Variants in ARPP19 observed in about 807,000 individuals in gnomAD.
The protein encoded by ARPP19 is cAMP-regulated phosphoprotein 19.
In ARPP19, 8 loss-of-function variants were observed where a neutral mutation model predicts 12.0. The observed-to-expected ratio is 0.67, with a 90% confidence interval of 0.39 to 1.21. The LOEUF (loss-of-function observed/expected upper bound fraction) is 1.21, where lower values mean the gene tolerates loss of function less well. Ranked by LOEUF, ARPP19 falls within the 50% of genes most tolerant of loss-of-function variation. ARPP19 has a pLI of 0.01. For missense variants in ARPP19, 102 were observed against 136.3 expected (o/e 0.75, Z 1.25); for synonymous variants, 47 against 50.4 (o/e 0.93, Z 0.29).
At chr15:52,563,802 T>C (rs953727173) in intron 1 of ARPP19, among the ~76,000 whole-genome samples, 10 of 152,220 alleles carry the variant, frequency 6.6e-5, no homozygotes, top group African/African-American at 2.4e-4. Flanking sequence ...AAAGGATTAA[T>C]GAAAGCCAAC....
chr15:52,551,826 G>T lies in ARPP19; in HGVS notation c.*108C>A. 1.2e-6 allele frequency: 1 copy of T among 831,030 alleles called. No individual in the cohort carries two copies. The highest frequency in any genetic ancestry group is 2.0e-6 in the Non-Finnish European group (1 of 508,760). The allele number at this position is 831,030 out of a possible 1,614,324, so 51.5% of individuals were successfully genotyped here. On this transcript the variant is annotated 3_prime_UTR_variant, in exon 3 of 3. Coordinates refer to ENST00000249822, the MANE Select transcript of ARPP19 (RefSeq NM_006628.6). ...AGCACACACTACTGCTACCTGCAAAGCTGTCAGTCTCAAATGACTAGTGAA... is the reference window on the plus strand; with the variant it reads ...AGCACACACTACTGCTACCTGCAAATCTGTCAGTCTCAAATGACTAGTGAA...
In ARPP19 at chr15:52,561,178, A is replaced by ACTCC. The variant is rs572315224; in HGVS notation, c.46-3960_46-3957dup. Among the ~76,000 whole-genome samples, 592 of 152,278 alleles carry ACTCC rather than the reference A, an allele frequency of 3.9e-3. 4 individuals are homozygous for ACTCC. The highest frequency in any genetic ancestry group is 0.013 in the Admixed American group (202 of 15,296). ...GCAAAATAGAACACAATTTGATGTG[A>ACTCC]CTCCACGTTTCTGGACCTCAAGGGA... On this transcript the variant is annotated intron_variant, in intron 1 of 2. Transcript: ENST00000249822.
intron 1 of ARPP19, among the ~76,000 whole-genome samples, chr15:52,567,302 A>G (rs2078092354): frequency 1.3e-5 from 2 of 152,260 alleles, no homozygotes; most frequent in Non-Finnish European, 2.9e-5. Flanking sequence ...AGCTATCCTT[A>G]ATATTGTTAA....
chr15:52,552,174 C>G, intron 2 of ARPP19, 70 bp from the exon 3 acceptor site: 2 of 842,434 alleles, frequency 2.4e-6, no homozygotes, highest in South Asian at 2.8e-5. Flanking sequence ...CGATGCAACC[C>G]CATACTGTCC....
At chr15:52,565,244 C>CA (rs770255436) in intron 1 of ARPP19, among the ~76,000 whole-genome samples, 1 of 151,962 alleles carries the variant, frequency 6.6e-6, no homozygotes, top group East Asian at 1.9e-4. Flanking sequence ...AGGCCGGTCT[C>CA]AAACTCCTGG....
rs2077928969 is a variant in ARPP19 at position 52,551,345 on chromosome 15, TCACATAAGTTACAC to T, written c.*575_*588del. The T allele has an allele frequency of 6.6e-6, 1 of 152,616 alleles. No homozygotes were observed. Among genetic ancestry groups the T allele is most frequent in the Non-Finnish European group, 1.5e-5 (1 of 68,070 alleles). The allele number at this position is 152,616 out of a possible 1,614,324, so 9.5% of individuals were successfully genotyped here. The stretch of plus-strand genomic sequence containing the variant: ...CAACGGCAGCTGTTAAGCACTAGAG[TCACATAAGTTACAC>T]CAGAATGGGCAAATATTGCCCAAGT... On this transcript the variant is annotated 3_prime_UTR_variant, in exon 3 of 3. Coordinates refer to ENST00000249822, the MANE Select transcript of ARPP19 (RefSeq NM_006628.6).
chr15:52,559,130 T>C (rs1037345198), intron 1 of ARPP19, among the ~76,000 whole-genome samples: 4 of 152,256 alleles, frequency 2.6e-5, no homozygotes, highest in Non-Finnish European at 2.9e-5. Context: ...TCTTTTTATG[T>C]TGCAGATTCA....
intron 2 of ARPP19, among the ~76,000 whole-genome samples, chr15:52,555,733 A>G (rs1388253318): frequency 6.6e-6 from 1 of 152,050 alleles, no homozygotes; most frequent in Non-Finnish European, 1.5e-5. Flanking sequence ...GTTTAAACAC[A>G]ACAAAGAGCA....
intron 2 of ARPP19, chr15:52,556,865 C>T (rs1370225154): frequency 1.5e-5 from 6 of 389,680 alleles, no homozygotes; most frequent in Admixed American, 4.2e-5. Flanking sequence ...GTTATATCTG[C>T]ACTATTTCTA....
chr15:52,552,123 A>G lies in ARPP19; in HGVS notation c.169-19T>C. On this transcript the variant is annotated intron_variant, in intron 2 of 2. Transcript: ENST00000249822. ...ATTTTTGCTATAAGTAAAAACAAAA[A>G]AAATTCAGATTAGAGCTTAGCAATT... The G allele has an allele frequency of 6.6e-7, 1 of 1,517,278 alleles. No homozygotes were observed. Among genetic ancestry groups the G allele is most frequent in the Non-Finnish European group, 9.2e-7 (1 of 1,092,374 alleles). 94.0% of individuals were successfully genotyped at this position (1,517,278 alleles called of 1,614,324 possible).
At chr15:52,552,672 T>A in intron 2 of ARPP19, among the ~76,000 whole-genome samples, 1 of 150,722 alleles carries the variant, frequency 6.6e-6, no homozygotes, top group South Asian at 2.1e-4. Context: ...AAGACTAATA[T>A]AATATTAAGC....
intron 2 of ARPP19, among the ~76,000 whole-genome samples, chr15:52,553,947 A>AGTAAC (rs1377050478): frequency 6.6e-6 from 1 of 152,258 alleles, no homozygotes; most frequent in Non-Finnish European, 1.5e-5. Context: ...GAACAGTAAC[A>AGTAAC]AGGAACCCTG....
chr15:52,567,349 A>G (rs1451756401), intron 1 of ARPP19, among the ~76,000 whole-genome samples: 3 of 152,242 alleles, frequency 2.0e-5, no homozygotes, highest in Non-Finnish European at 4.4e-5. Context: ...AAGTATTTAC[A>G]CTCTAGAAGT....
At chr15:52,557,306 T>C (rs559656120) in intron 1 of ARPP19, 84 bp from the exon 2 acceptor site, 134 of 1,181,412 alleles carry the variant, frequency 1.1e-4, no homozygotes, top group Non-Finnish European at 1.5e-4. Flanking sequence ...GATTCTGAAT[T>C]CTAGTTGTTA....
chr15:52,551,982 G>C lies in ARPP19; in HGVS notation c.291C>G (p.Asp97Glu). 6.2e-7 allele frequency: 1 copy of C among 1,613,520 alleles called. No individual in the cohort carries two copies. Among genetic ancestry groups the C allele is most frequent in the Non-Finnish European group, 8.5e-7 (1 of 1,179,380 alleles). The change falls in exon 3 of 3, where the codon GAC (aspartate) becomes GAG (glutamate). Residue 97 changes from aspartate to glutamate, a missense_variant. By Grantham distance (45) the Asp-to-Glu change is conservative. Transcript: ENST00000249822. ...CAAGGGACGGCTTCCGTTGAGGAAG[G>C]TCTTGCGGAGTGGGAATGTGGTCAC... ...VTGDHIPTPQDLPQRKPSLVA... is the reference protein window; with the variant it reads ...VTGDHIPTPQELPQRKPSLVA...
Position 52,551,245 on chromosome 15 carries a change from T to C in ARPP19, c.*689A>G, listed in dbSNP as rs3478. ...ATGGCACAAAAGTGAATTCAACAGT[T>C]AATGCACATGCATACTTCATTCACA... On this transcript the variant is annotated 3_prime_UTR_variant, in exon 3 of 3. Transcript: ENST00000249822. 15,636 of 152,776 alleles carry C rather than the reference T, an allele frequency of 0.1. 886 individuals carry two copies. Among genetic ancestry groups the C allele is most frequent in the Middle Eastern group, 0.17 (50 of 294 alleles). 9.5% of individuals were successfully genotyped at this position (152,776 alleles called of 1,614,324 possible).
intron 2 of ARPP19, among the ~76,000 whole-genome samples, chr15:52,554,908 CAAG>C (rs1389539621): frequency 1.3e-5 from 2 of 152,026 alleles, no homozygotes; most frequent in Non-Finnish European, 1.5e-5. Flanking sequence ...GAGTACAACA[CAAG>C]AAGAGACCTA....
At chr15:52,555,543 T>C (rs1222997074) in intron 2 of ARPP19, among the ~76,000 whole-genome samples, 2 of 152,030 alleles carry the variant, frequency 1.3e-5, no homozygotes, top group African/African-American at 4.8e-5. Flanking sequence ...TTCTCTGCTG[T>C]TGAATAGTGG....
intron 2 of ARPP19, among the ~76,000 whole-genome samples, chr15:52,554,628 C>T (rs1251760704): frequency 6.6e-6 from 1 of 152,120 alleles, no homozygotes; most frequent in Non-Finnish European, 1.5e-5. Context: ...TCAGCATTTA[C>T]AACTACACTG....
Sources: gnomAD v4.1 joint callset for allele counts (sites outside exome capture counted in the v4.1 genomes callset) on GRCh38, gnomAD v4.1.1 for gene constraint, MANE v1.5 for transcripts, NCBI Gene and HGNC (gene_info 2026-07-23, HGNC 2026-07-21) for gene names.